PTPRG: variants seen among roughly 807,000 people sequenced by gnomAD.
PTPRG encodes protein tyrosine phosphatase receptor type G, also known as receptor-type tyrosine-protein phosphatase gamma.
A neutral mutation model predicts 165.3 loss-of-function variants in PTPRG; 102 were observed. That is an observed-to-expected ratio of 0.62 (90% CI 0.53 to 0.73). The LOEUF is 0.73. PTPRG is among the 30% of genes least tolerant of loss of function. PTPRG has a pLI of 0.00. For missense variants in PTPRG, 1,866 were observed against 1,861.4 expected, an observed-to-expected ratio of 1.00 and a Z score of -0.05; for synonymous variants, 675 against 669.5, an observed-to-expected ratio of 1.01 and a Z score of -0.13.
At chr3:61,891,535 G>C (rs1308877669) in intron 2 of PTPRG, among the ~76,000 whole-genome samples, 2 of 152,118 alleles carry the variant, frequency 1.3e-5, no homozygotes, top group African/African-American at 4.8e-5. Flanking sequence ...ATTTTTTGGT[G>C]AATCAACCTG....
chr3:62,262,600 A>T (rs1701733033), intron 16 of PTPRG, 198 bp from the exon 17 acceptor site: 1 of 431,296 alleles, frequency 2.3e-6, no homozygotes, highest in South Asian at 6.2e-5. Flanking sequence ...ATGAAATAGT[A>T]AATAATGAAA....
chr3:62,043,420 A>G (rs542283234), intron 4 of PTPRG, among the ~76,000 whole-genome samples: 16 of 152,322 alleles, frequency 1.1e-4, no homozygotes, highest in Non-Finnish European at 2.1e-4. Context: ...TTATTTTATT[A>G]AAGAATTTTT....
chr3:62,257,528 A>G (rs1701566385), intron 16 of PTPRG, among the ~76,000 whole-genome samples: 1 of 152,136 alleles, frequency 6.6e-6, no homozygotes. Flanking sequence ...CATTTTACTG[A>G]TGACGAAACT....
At chr3:61,722,791 G>A (rs2032106506) in intron 1 of PTPRG, among the ~76,000 whole-genome samples, 1 of 152,078 alleles carries the variant, frequency 6.6e-6, no homozygotes, top group Admixed American at 6.6e-5. Context: ...TCCTTCAGAC[G>A]GGGTGTACTA....
chr3:61,782,378 A>C (rs2034571398), intron 2 of PTPRG, among the ~76,000 whole-genome samples: 1 of 152,248 alleles, frequency 6.6e-6, no homozygotes, highest in South Asian at 2.1e-4. Context: ...GATGAAGACA[A>C]TGCTTTATTC....
chr3:62,148,748 C>A (rs1200590581), intron 6 of PTPRG, among the ~76,000 whole-genome samples: 1 of 151,908 alleles, frequency 6.6e-6, no homozygotes, highest in Non-Finnish European at 1.5e-5. Context: ...GGGGACAGAG[C>A]GAGACTCCGT....
intron 2 of PTPRG, among the ~76,000 whole-genome samples, chr3:61,978,894 GT>G (rs1215548048): frequency 3.0e-4 from 45 of 152,076 alleles, no homozygotes; most frequent in African/African-American, 1.1e-3. Flanking sequence ...TTGGAGCATG[GT>G]TTAGTCCCGT....
chr3:61,919,859 C>T (rs1474070027), intron 2 of PTPRG, among the ~76,000 whole-genome samples: 2 of 152,198 alleles, frequency 1.3e-5, no homozygotes, highest in African/African-American at 2.4e-5. Flanking sequence ...GAAGCCTGTC[C>T]TTACAAAAGG....
intron 2 of PTPRG, among the ~76,000 whole-genome samples, chr3:61,918,924 C>T (rs116068252): frequency 2.6e-3 from 392 of 152,258 alleles, no homozygotes; most frequent in African/African-American, 9.1e-3. Context: ...TGTAAATACT[C>T]CTTTATCCCT....
chr3:61,876,769 A>G (rs924422235), intron 2 of PTPRG, among the ~76,000 whole-genome samples: 20 of 152,158 alleles, frequency 1.3e-4, no homozygotes, highest in Admixed American at 1.2e-3. Flanking sequence ...AAGCCCTTCT[A>G]TTAATATAAC....
At chr3:61,649,956 A>G (rs1433487129) in intron 1 of PTPRG, among the ~76,000 whole-genome samples, 1 of 152,194 alleles carries the variant, frequency 6.6e-6, no homozygotes, top group African/African-American at 2.4e-5. Flanking sequence ...AACATCTTTT[A>G]CAAATGGTAG....
chr3:61,828,616 G>A (rs777543199), intron 2 of PTPRG, among the ~76,000 whole-genome samples: 12 of 152,214 alleles, frequency 7.9e-5, no homozygotes, highest in Non-Finnish European at 1.6e-4. Context: ...GAACCCAGAG[G>A]AAGTGCTGTG....
At chr3:61,785,835 C>A (rs528964812) in intron 2 of PTPRG, among the ~76,000 whole-genome samples, 3 of 152,240 alleles carry the variant, frequency 2.0e-5, no homozygotes, top group Admixed American at 2.0e-4. Flanking sequence ...CACTAATGAA[C>A]AGCCTGCCTT....
At chr3:61,568,643 C>A (rs1435973145) in intron 1 of PTPRG, among the ~76,000 whole-genome samples, 1 of 151,958 alleles carries the variant, frequency 6.6e-6, no homozygotes, top group Non-Finnish European at 1.5e-5. Context: ...GGCATGGTGG[C>A]TCATGCCTGT....
At chr3:61,682,432 A>C (rs556863567) in intron 1 of PTPRG, among the ~76,000 whole-genome samples, 1 of 152,300 alleles carries the variant, frequency 6.6e-6, no homozygotes, top group African/African-American at 2.4e-5. Flanking sequence ...GTTGACAGTA[A>C]TGGGTATGGG....
intron 1 of PTPRG, among the ~76,000 whole-genome samples, chr3:61,718,940 G>C (rs1445711262): frequency 6.6e-6 from 1 of 152,114 alleles, no homozygotes; most frequent in Admixed American, 6.5e-5. Context: ...AATCGACATT[G>C]AATTTGTACC....
rs199749072 is a variant in PTPRG at position 61,846,432 on chromosome 3, C to CA, written c.190+97458dup. On this transcript the variant is annotated intron_variant, in intron 2 of 29. Coordinates refer to ENST00000474889, the MANE Select transcript of PTPRG (RefSeq NM_002841.4). ...CAGCTCAAGAAACAGGCTTCAGAGTCAAAAAAAACACCCATCTGGATTCCC... is the reference window on the plus strand; with the variant it reads ...CAGCTCAAGAAACAGGCTTCAGAGTCAAAAAAAAACACCCATCTGGATTCCC... Among the ~76,000 whole-genome samples the CA allele has an allele frequency of 6.1e-3, 903 of 148,138 alleles. 11 individuals are homozygous for CA. The highest frequency in any genetic ancestry group is 0.015 in the African/African-American group (635 of 41,126).
intron 1 of PTPRG, among the ~76,000 whole-genome samples, chr3:61,609,623 G>A (rs187586579): frequency 2.6e-5 from 4 of 151,994 alleles, no homozygotes; most frequent in Non-Finnish European, 4.4e-5. Flanking sequence ...TCGTGAGGCC[G>A]AGTTGGGTGG....
intron 1 of PTPRG, among the ~76,000 whole-genome samples, chr3:61,606,732 G>A (rs1408303241): frequency 6.6e-6 from 1 of 152,218 alleles, no homozygotes; most frequent in Non-Finnish European, 1.5e-5. Context: ...CATGGTGGAA[G>A]GAAGAAAGGC....
Sources: gnomAD v4.1 joint callset for allele counts (sites outside exome capture counted in the v4.1 genomes callset) on GRCh38, gnomAD v4.1.1 for gene constraint, MANE v1.5 for transcripts, NCBI Gene and HGNC (gene_info 2026-07-23, HGNC 2026-07-21) for gene names.